SEZ6L: variants seen among roughly 807,000 people sequenced by gnomAD.
SEZ6L encodes seizure 6-like protein.
In SEZ6L, 37 loss-of-function variants were observed where a neutral mutation model predicts 106.2. The observed-to-expected ratio is 0.35, with a 90% confidence interval of 0.27 to 0.46. The LOEUF (loss-of-function observed/expected upper bound fraction) is 0.46. Among genes scored for constraint, SEZ6L ranks in the 20% least tolerant of loss-of-function variants. The pLI, the probability that SEZ6L is intolerant of heterozygous loss-of-function variation, is 1.00. For synonymous variants in SEZ6L, 541 were observed against 570.4 expected, an observed-to-expected ratio of 0.95 and a Z score of 0.73; for missense variants, 1,172 against 1,332.8, an observed-to-expected ratio of 0.88 and a Z score of 1.88.
At chr22:26,338,777 C>T (rs921136588) in intron 9 of SEZ6L, among the ~76,000 whole-genome samples, 6 of 150,450 alleles carry the variant, frequency 4.0e-5, no homozygotes, top group African/African-American at 1.5e-4. Flanking sequence ...AGAATGGTTT[C>T]GATTTCTTGA....
chr22:26,311,150 G>A (rs2081816928), intron 7 of SEZ6L, among the ~76,000 whole-genome samples: 1 of 152,184 alleles, frequency 6.6e-6, no homozygotes. Flanking sequence ...TGAGGAAACT[G>A]AGGTTTAAGA....
chr22:26,297,114 GT>G, intron 4 of SEZ6L, 34 bp downstream of exon 4: 1 of 1,494,098 alleles, frequency 6.7e-7, no homozygotes, highest in Non-Finnish European at 9.0e-7. Context: ...AAACATAGGC[GT>G]TTGCCTCAGT....
intron 1 of SEZ6L, among the ~76,000 whole-genome samples, chr22:26,202,206 G>A (rs752806376): frequency 2.6e-5 from 4 of 152,102 alleles, no homozygotes; most frequent in South Asian, 4.2e-4. Context: ...GAGCCACTGC[G>A]CCCGGCCAAG....
Position 26,380,272 on chromosome 22 carries a change from A to G in SEZ6L, c.3052A>G (p.Arg1018Gly). The G allele has an allele frequency of 6.2e-7, 1 of 1,613,808 alleles. No individual in the cohort carries two copies. Among genetic ancestry groups the G allele is most frequent in the Non-Finnish European group, 8.5e-7 (1 of 1,179,744 alleles). Residue 1018 changes from arginine to glycine, a missense_variant, in exon 17 of 17, where the codon AGA becomes GGA. By Grantham distance (125) the Arg-to-Gly change is moderately radical. Coordinates refer to ENST00000248933, the MANE Select transcript of SEZ6L (RefSeq NM_021115.5). The stretch of plus-strand genomic sequence containing the variant: ...GTGCTTCTCTCTCTTGCAGGAAACC[A>G]GAGAGTATGAGGTTTCTATCTAAAG... ...DNPIYETGET[R>G]EYEVSI
intron 1 of SEZ6L, among the ~76,000 whole-genome samples, chr22:26,190,122 A>C (rs751689323): frequency 5.3e-5 from 8 of 151,720 alleles, no homozygotes; most frequent in Non-Finnish European, 8.8e-5. Flanking sequence ...AAAGAAAAGA[A>C]AAAAGAAAAG....
chr22:26,294,243 C>T, intron 2 of SEZ6L, 49 bp from the exon 3 acceptor site: 1 of 1,602,584 alleles, frequency 6.2e-7, no homozygotes, highest in Non-Finnish European at 8.5e-7. Context: ...CATGGTTGAG[C>T]TTACATCCAA....
intron 1 of SEZ6L, among the ~76,000 whole-genome samples, chr22:26,200,757 C>T (rs1388479136): frequency 6.6e-6 from 1 of 152,190 alleles, no homozygotes; most frequent in Non-Finnish European, 1.5e-5. Flanking sequence ...CCTGATTAAA[C>T]ATACTCTGTG....
chr22:26,226,470 C>T (rs960955348), intron 1 of SEZ6L, among the ~76,000 whole-genome samples: 1 of 152,242 alleles, frequency 6.6e-6, no homozygotes, highest in Admixed American at 6.5e-5. Flanking sequence ...AACACCCTTA[C>T]ATTTGAAATC....
chr22:26,364,548 C>T (rs2083743455), intron 12 of SEZ6L, among the ~76,000 whole-genome samples: 1 of 152,118 alleles, frequency 6.6e-6, no homozygotes, highest in Non-Finnish European at 1.5e-5. Context: ...AGCCGTGCTG[C>T]ACCACTGCAC....
At chr22:26,292,225 G>C (rs908502184) in intron 1 of SEZ6L, 181 bp from the exon 2 acceptor site, 1 of 560,240 alleles carries the variant, frequency 1.8e-6, no homozygotes, top group Non-Finnish European at 3.1e-6. Flanking sequence ...AGAGAAAGAG[G>C]GAGAGAGGGA....
intron 12 of SEZ6L, among the ~76,000 whole-genome samples, chr22:26,360,365 G>A (rs1240332235): frequency 6.6e-6 from 1 of 152,108 alleles, no homozygotes; most frequent in Non-Finnish European, 1.5e-5. Flanking sequence ...TTGGTATCAG[G>A]AAATACTTCT....
At chr22:26,179,022 T>G (rs1939210863) in intron 1 of SEZ6L, among the ~76,000 whole-genome samples, 1 of 152,142 alleles carries the variant, frequency 6.6e-6, no homozygotes, top group South Asian at 2.1e-4. Flanking sequence ...CTGATGGTAT[T>G]AGCAGTGGGG....
At chr22:26,332,906 A>G (rs544990412) in intron 9 of SEZ6L, among the ~76,000 whole-genome samples, 177 of 152,350 alleles carry the variant, frequency 1.2e-3, no homozygotes, top group South Asian at 2.1e-3. Flanking sequence ...GTAGGTTTGA[A>G]TCTTGACCTT....
intron 9 of SEZ6L, among the ~76,000 whole-genome samples, chr22:26,327,498 A>G (rs922842383): frequency 8.7e-5 from 12 of 138,452 alleles, no homozygotes; most frequent in Middle Eastern, 4.5e-3. Flanking sequence ...ACATGACACT[A>G]CACACACCAC....
At chr22:26,193,727 C>T (rs1940399440) in intron 1 of SEZ6L, among the ~76,000 whole-genome samples, 1 of 152,112 alleles carries the variant, frequency 6.6e-6, no homozygotes, top group African/African-American at 2.4e-5. Flanking sequence ...CCATGATATA[C>T]AGACTTCCCA....
intron 9 of SEZ6L, among the ~76,000 whole-genome samples, chr22:26,332,218 C>T (rs2082506994): frequency 6.9e-6 from 1 of 145,216 alleles, no homozygotes; most frequent in South Asian, 2.3e-4. Flanking sequence ...GGCGCGATCT[C>T]GGCTCACTGC....
Position 26,224,601 on chromosome 22 carries a change from T to G in SEZ6L, c.94+54838T>G, listed in dbSNP as rs949883369. 7.9e-5 allele frequency among the ~76,000 whole-genome samples: 12 copies of G among 152,184 alleles called. 1 individual carries two copies. The highest frequency in any genetic ancestry group is 2.9e-4 in the African/African-American group (12 of 41,436). Reference sequence around the variant, plus strand: ...AAGTGGGAAACTGGTAGGAAGTTATTGCAGTTGTCTAGATAAGAGTCTACA... The same window carrying G: ...AAGTGGGAAACTGGTAGGAAGTTATGGCAGTTGTCTAGATAAGAGTCTACA... On this transcript the variant is annotated intron_variant, in intron 1 of 16. Coordinates refer to ENST00000248933, the MANE Select transcript of SEZ6L (RefSeq NM_021115.5).
intron 9 of SEZ6L, among the ~76,000 whole-genome samples, chr22:26,332,613 A>G (rs535532846): frequency 6.6e-6 from 1 of 151,720 alleles, no homozygotes; most frequent in Non-Finnish European, 1.5e-5. Flanking sequence ...TGCCCGGCTA[A>G]TGTTTTTATT....
chr22:26,296,132 G>A (rs190180779), intron 3 of SEZ6L, among the ~76,000 whole-genome samples: 177 of 152,190 alleles, frequency 1.2e-3, no homozygotes, highest in African/African-American at 4.0e-3. Context: ...ACACACACAC[G>A]CGCACATACC....
Sources: allele counts gnomAD v4.1 joint callset (sites outside exome capture counted in the v4.1 genomes callset), GRCh38; gene constraint gnomAD v4.1.1; transcripts MANE v1.5; gene names NCBI Gene and HGNC (gene_info 2026-07-23, HGNC 2026-07-21).